Variants in PAX2 observed in about 807,000 individuals in gnomAD.
The protein encoded by PAX2 is paired box 2, also known as paired box protein Pax-2.
Under a neutral mutation model 41.7 loss-of-function variants are expected in PAX2, and 9 were observed. That is an observed-to-expected ratio of 0.22 (90% CI 0.13 to 0.38). PAX2 has a LOEUF of 0.38. PAX2 is among the 10% of genes least tolerant of loss of function. The pLI is 1.00. For missense variants in PAX2, 418 were observed against 531.6 expected (o/e 0.79, Z 2.10); for synonymous variants, 221 against 212.7 (o/e 1.04, Z -0.34).
intron 7 of PAX2, among the ~76,000 whole-genome samples, chr10:100,812,261 A>G (rs997848178): frequency 6.6e-6 from 1 of 152,222 alleles, no homozygotes; most frequent in African/African-American, 2.4e-5. Context: ...CAAGCTGCCA[A>G]GTCAAGCTGG....
chr10:100,820,345 T>C (rs980652232), intron 7 of PAX2, among the ~76,000 whole-genome samples: 4 of 152,230 alleles, frequency 2.6e-5, no homozygotes, highest in African/African-American at 9.6e-5. Flanking sequence ...AAAACTGTGA[T>C]GCATCTTTGT....
At chr10:100,812,834 A>T (rs559700742) in intron 7 of PAX2, among the ~76,000 whole-genome samples, 1 of 152,318 alleles carries the variant, frequency 6.6e-6, no homozygotes, top group East Asian at 1.9e-4. Context: ...CCCTTGACAC[A>T]GTGCAAGTCC....
At chr10:100,766,599 A>C (rs1846038674) in intron 3 of PAX2, among the ~76,000 whole-genome samples, 7 of 152,226 alleles carry the variant, frequency 4.6e-5, no homozygotes, top group Admixed American at 4.6e-4. Flanking sequence ...CGTTTGGTAA[A>C]GTCGTAACTG....
Position 100,745,657 on chromosome 10 carries a change from T to A in PAX2, c.-604T>A. 1.4e-6 allele frequency: 1 copy of A among 737,300 alleles called. No homozygotes were observed. The highest frequency in any genetic ancestry group is 1.7e-6 in the Non-Finnish European group (1 of 593,152). The allele number at this position is 737,300 out of a possible 1,614,324, so 45.7% of individuals were successfully genotyped here. A position where few individuals can be genotyped will look rare whatever the true frequency, so the allele number is the denominator to read the frequency against. On this transcript the variant is annotated 5_prime_UTR_variant, in exon 1 of 10. Coordinates refer to ENST00000355243, the MANE Select transcript of PAX2 (RefSeq NM_000278.5). ...GAGCTGCCAGCGCCGCTCGGCTCCC[T>A]CCCTCCCTCCCGGCCCTTCGGCCGC...
chr10:100,754,132 A>C (rs566591258), intron 3 of PAX2, among the ~76,000 whole-genome samples: 1 of 152,308 alleles, frequency 6.6e-6, no homozygotes, highest in African/African-American at 2.4e-5. Flanking sequence ...GGAGAGGTGG[A>C]GGGAGATCCA....
intron 1 of PAX2, among the ~76,000 whole-genome samples, chr10:100,739,937 C>T (rs1188527613): frequency 6.6e-6 from 1 of 152,238 alleles, no homozygotes; most frequent in African/African-American, 2.4e-5. Context: ...ACTTCGGCTT[C>T]GCACAAACCA....
At chr10:100,787,622 C>T (rs1313398246) in intron 5 of PAX2, among the ~76,000 whole-genome samples, 2 of 152,050 alleles carry the variant, frequency 1.3e-5, no homozygotes, top group African/African-American at 2.4e-5. Flanking sequence ...TTTCCCAACG[C>T]TGGGCAGGGC....
chr10:100,793,264 C>T (rs1847199862), intron 5 of PAX2, among the ~76,000 whole-genome samples: 2 of 152,212 alleles, frequency 1.3e-5, no homozygotes, highest in South Asian at 4.1e-4. Flanking sequence ...CTGCAGCAGG[C>T]CAGCAGGACT....
intron 5 of PAX2, chr10:100,786,849 G>T: frequency 1.5e-6 from 1 of 665,564 alleles, no homozygotes. Context: ...TAGAAGGGGA[G>T]TCTGGTCTCC....
chr10:100,751,829 A>G (rs1589814926), intron 3 of PAX2, among the ~76,000 whole-genome samples: 2 of 152,312 alleles, frequency 1.3e-5, no homozygotes, highest in Middle Eastern at 6.8e-3. Flanking sequence ...ACAAACTGAC[A>G]GTTGTTCACA....
chr10:100,737,586 GA>G (rs1844819792), intron 1 of PAX2, among the ~76,000 whole-genome samples: 1 of 152,232 alleles, frequency 6.6e-6, no homozygotes, highest in Non-Finnish European at 1.5e-5. Context: ...CTGTGTTTGG[GA>G]AAAGGAAACC....
At chr10:100,754,517 T>G (rs4338467) in intron 3 of PAX2, among the ~76,000 whole-genome samples, 17,314 of 152,132 alleles carry the variant, frequency 0.11, 3,041 homozygotes, top group African/African-American at 0.38. Flanking sequence ...GTGAGTACAT[T>G]CATTCTCCTA....
At chr10:100,786,476 C>G (rs1297916725) in intron 5 of PAX2, among the ~76,000 whole-genome samples, 1 of 152,172 alleles carries the variant, frequency 6.6e-6, no homozygotes, top group Non-Finnish European at 1.5e-5. Flanking sequence ...TTTTATAAAC[C>G]CAAATGTAAT....
intron 3 of PAX2, among the ~76,000 whole-genome samples, chr10:100,758,480 T>C (rs1845719470): frequency 6.6e-6 from 1 of 152,098 alleles, no homozygotes. Flanking sequence ...AGGTTTGTTG[T>C]AGGGATGTTG....
At chr10:100,802,962 T>A (rs114870468) in intron 5 of PAX2, among the ~76,000 whole-genome samples, 98 of 152,094 alleles carry the variant, frequency 6.4e-4, no homozygotes, top group African/African-American at 2.2e-3. Context: ...CTCCTTGCCG[T>A]CCCGTCTGAG....
chr10:100,741,939 C>G (rs1012536560), upstream of PAX2, among the ~76,000 whole-genome samples: 4 of 152,196 alleles, frequency 2.6e-5, no homozygotes, highest in Non-Finnish European at 4.4e-5. Flanking sequence ...CCTAGCTCCC[C>G]TAGCCGCTCC....
chr10:100,767,749 T>C (rs1318836169), intron 3 of PAX2, among the ~76,000 whole-genome samples: 1 of 152,206 alleles, frequency 6.6e-6, no homozygotes, highest in Non-Finnish European at 1.5e-5. Context: ...TCCCAGAATT[T>C]ATGTGACTCG....
chr10:100,770,860 T>C (rs1334909231), intron 3 of PAX2, among the ~76,000 whole-genome samples: 7 of 152,226 alleles, frequency 4.6e-5, no homozygotes, highest in African/African-American at 1.4e-4. Context: ...GGTTAATAGA[T>C]GGAGAGAAAT....
chr10:100,751,266 C>T (rs1400957991), intron 3 of PAX2, among the ~76,000 whole-genome samples: 1 of 152,310 alleles, frequency 6.6e-6, no homozygotes, highest in South Asian at 2.1e-4. Context: ...AACAGACTGG[C>T]CTTTCTAAAG....
Sources: allele counts gnomAD v4.1 joint callset (sites outside exome capture counted in the v4.1 genomes callset), GRCh38; gene constraint gnomAD v4.1.1; transcripts MANE v1.5; gene names NCBI Gene and HGNC (gene_info 2026-07-23, HGNC 2026-07-21).